NXN: variants seen among roughly 807,000 people sequenced by gnomAD.
NXN encodes nucleoredoxin 1.
In NXN, 16 loss-of-function variants were observed where a neutral mutation model predicts 48.6. That is an observed-to-expected ratio of 0.33 (90% CI 0.22 to 0.50). NXN has a LOEUF of 0.50. Among genes scored for constraint, NXN ranks in the 20% least tolerant of loss-of-function variants. The pLI is 0.98. For missense variants in NXN, 492 were observed against 605.5 expected, an observed-to-expected ratio of 0.81 and a Z score of 1.97; for synonymous variants, 281 against 269.6, an observed-to-expected ratio of 1.04 and a Z score of -0.41.
chr17:883,858 G>A (rs2068312461), intron 1 of NXN, among the ~76,000 whole-genome samples: 1 of 152,206 alleles, frequency 6.6e-6, no homozygotes, highest in Non-Finnish European at 1.5e-5. Flanking sequence ...CGGATGACCT[G>A]AGGTCAGGAG....
chr17:892,862 A>C (rs1214450255), intron 1 of NXN, among the ~76,000 whole-genome samples: 1 of 152,200 alleles, frequency 6.6e-6, no homozygotes, highest in Non-Finnish European at 1.5e-5. Flanking sequence ...AATAAACCCT[A>C]AGGTAAGCTG....
chr17:809,829 C>A (rs1597614589), intron 5 of NXN, among the ~76,000 whole-genome samples: 1 of 152,182 alleles, frequency 6.6e-6, no homozygotes, highest in East Asian at 1.9e-4. Flanking sequence ...GAGCGGCGGG[C>A]ACCTTACGAG....
intron 1 of NXN, among the ~76,000 whole-genome samples, chr17:829,456 A>G (rs971856529): frequency 4.7e-5 from 6 of 127,056 alleles, no homozygotes; most frequent in Non-Finnish European, 8.2e-5. Flanking sequence ...TGCTCGGACT[A>G]TCTTTTTTTT....
rs2069195310 is a variant in NXN at position 958,410 on chromosome 17, G to A, written c.360+20909C>T. On this transcript the variant is annotated intron_variant, in intron 1 of 7. Coordinates refer to ENST00000336868, the MANE Select transcript of NXN (RefSeq NM_022463.5). The surrounding 1 kb of genome is among the most constrained non-coding windows in gnomAD (Gnocchi z 6.9). ...ACCTGTCATCCCAGTGCCTGGGAAG[G>A]CTGAAACAGGAGGATCGCTTGAGGC... is the stretch of plus-strand genomic sequence containing the variant. Among the ~76,000 whole-genome samples the A allele has an allele frequency of 6.6e-6, 1 of 152,214 alleles. No individual in the cohort carries two copies. Among genetic ancestry groups the A allele is most frequent in the Admixed American group, 6.5e-5 (1 of 15,276 alleles).
chr17:921,630 T>G (rs2068751220), intron 1 of NXN, among the ~76,000 whole-genome samples: 1 of 151,964 alleles, frequency 6.6e-6, no homozygotes, highest in Admixed American at 6.6e-5. Flanking sequence ...GCCCAGGCTC[T>G]CATCCTCACT....
chr17:914,135 A>G (rs994610076), intron 1 of NXN, among the ~76,000 whole-genome samples: 5 of 151,102 alleles, frequency 3.3e-5, no homozygotes, highest in Admixed American at 2.6e-4. Context: ...CCCAACCTCA[A>G]GTGACTCACC....
intron 1 of NXN, among the ~76,000 whole-genome samples, chr17:843,786 T>C (rs1453338988): frequency 1.3e-5 from 2 of 152,180 alleles, no homozygotes; most frequent in Admixed American, 6.5e-5. Context: ...GACGTGAACG[T>C]TGGGACCCTG....
intron 7 of NXN, among the ~76,000 whole-genome samples, chr17:801,632 C>T (rs565322111): frequency 1.3e-4 from 19 of 151,996 alleles, no homozygotes; most frequent in Non-Finnish European, 2.4e-4. Flanking sequence ...TTAGTAGAGA[C>T]GGGGTTTCAC....
chr17:833,351 G>A (rs369819995), intron 1 of NXN, among the ~76,000 whole-genome samples: 56 of 152,166 alleles, frequency 3.7e-4, no homozygotes, highest in Middle Eastern at 3.4e-3. Context: ...TCACCATTCC[G>A]AAAAACACAC....
intron 5 of NXN, among the ~76,000 whole-genome samples, chr17:817,053 T>G (rs1026312408): frequency 6.6e-6 from 1 of 152,154 alleles, no homozygotes; most frequent in African/African-American, 2.4e-5. Flanking sequence ...AACGCTTTCA[T>G]TTATGCTGTT....
intron 1 of NXN, among the ~76,000 whole-genome samples, chr17:934,059 C>T (rs2068880298): frequency 6.6e-6 from 1 of 152,232 alleles, no homozygotes; most frequent in Non-Finnish European, 1.5e-5. Context: ...TTATTTTTCA[C>T]TTTATGATTA....
At chr17:865,755 GGGCA>G (rs2068089462) in intron 1 of NXN, among the ~76,000 whole-genome samples, 1 of 151,004 alleles carries the variant, frequency 6.6e-6, no homozygotes, top group African/African-American at 2.4e-5. Context: ...AGGCCGAGGT[GGGCA>G]GATCACTTGA....
intron 1 of NXN, among the ~76,000 whole-genome samples, chr17:908,390 G>A (rs1210321614): frequency 6.6e-6 from 1 of 151,874 alleles, no homozygotes; most frequent in African/African-American, 2.4e-5. Context: ...ACAGAAATTA[G>A]CCAGGCATGT....
chr17:953,330 G>C (rs908483683), intron 1 of NXN, among the ~76,000 whole-genome samples: 1 of 152,054 alleles, frequency 6.6e-6, no homozygotes, highest in Admixed American at 6.6e-5. Context: ...CAGGAGAATC[G>C]CTTGAACCCA....
In NXN at chr17:805,270, G is replaced by C. The variant is rs200154087; in HGVS notation, c.821-23C>G. 356 of 1,593,406 alleles carry C rather than the reference G, an allele frequency of 2.2e-4. No individual in the cohort carries two copies. In the African/African-American group the frequency reaches 4.0e-3, roughly 18 times the overall value. On this transcript the variant is annotated intron_variant, in intron 5 of 7. Coordinates refer to ENST00000336868, the MANE Select transcript of NXN (RefSeq NM_022463.5). The stretch of plus-strand genomic sequence containing the variant: ...TGCCTGCAGGGAAGAGGGGGTGCTT[G>C]GCCGCTGGCCCGGGAGATGCTGGCC...
At chr17:867,686 G>A (rs1254678443) in intron 1 of NXN, among the ~76,000 whole-genome samples, 1 of 152,136 alleles carries the variant, frequency 6.6e-6, no homozygotes, top group Non-Finnish European at 1.5e-5. Context: ...AGCACTTTGG[G>A]AGGCCAAGGC....
At chr17:936,108 A>C (rs2068905039) in intron 1 of NXN, among the ~76,000 whole-genome samples, 1 of 151,646 alleles carries the variant, frequency 6.6e-6, no homozygotes, top group South Asian at 2.1e-4. Flanking sequence ...AAAAAAAAAA[A>C]AAACCTCCAG....
At chr17:858,452 G>A (rs1455502893) in intron 1 of NXN, among the ~76,000 whole-genome samples, 1 of 151,992 alleles carries the variant, frequency 6.6e-6, no homozygotes, top group Non-Finnish European at 1.5e-5. Flanking sequence ...TACAGGCTGG[G>A]CGCGGTGGCT....
chr17:895,674 C>T (rs1248338692), intron 1 of NXN, among the ~76,000 whole-genome samples: 5 of 148,576 alleles, frequency 3.4e-5, no homozygotes, highest in Admixed American at 6.7e-5. Context: ...AAAAATTAGC[C>T]AGGCGTGGTG....
Sources: allele counts gnomAD v4.1 joint callset (sites outside exome capture counted in the v4.1 genomes callset), GRCh38; gene constraint gnomAD v4.1.1; non-coding constraint Gnocchi (gnomAD v3.1); transcripts MANE v1.5; gene names NCBI Gene and HGNC (gene_info 2026-07-23, HGNC 2026-07-21).